The following ATP10A variants were observed in gnomAD, a reference collection of about 807,000 sequenced individuals.
ATP10A encodes the protein phospholipid-transporting ATPase VA.
A neutral mutation model predicts 147.8 loss-of-function variants in ATP10A; 111 were observed. That is an observed-to-expected ratio of 0.75 (90% CI 0.64 to 0.88). The LOEUF is 0.88. Ranked by LOEUF, ATP10A falls within the 40% of genes least tolerant of loss-of-function variation. The pLI is 0.00. For missense variants in ATP10A, 1,927 were observed against 1,959.0 expected (o/e 0.98, Z 0.31); for synonymous variants, 875 against 841.6 (o/e 1.04, Z -0.69).
intron 2 of ATP10A, among the ~76,000 whole-genome samples, chr15:25,780,739 G>T (rs1889878681): frequency 6.6e-6 from 1 of 152,202 alleles, no homozygotes; most frequent in Non-Finnish European, 1.5e-5. Flanking sequence ...GCTCATAAAT[G>T]TTCCTTGTAA....
At chr15:25,706,753 G>C (rs12900055) in intron 12 of ATP10A, among the ~76,000 whole-genome samples, 31,865 of 152,216 alleles carry the variant, frequency 0.21, 3,813 homozygotes, top group Middle Eastern at 0.27. Flanking sequence ...CTCCATTTGA[G>C]AAGTTAGTGC....
chr15:25,850,456 G>A (rs1322532478), intron 1 of ATP10A, among the ~76,000 whole-genome samples: 1 of 152,156 alleles, frequency 6.6e-6, no homozygotes, highest in African/African-American at 2.4e-5. Context: ...GCTGTGTCTG[G>A]TACCGCCTCA....
At chr15:25,680,443 C>T (rs1407276741) in intron 19 of ATP10A, 135 bp from the exon 20 acceptor site, 13 of 960,894 alleles carry the variant, frequency 1.4e-5, no homozygotes, top group South Asian at 8.3e-5. Flanking sequence ...GTCTATGACG[C>T]GGGTAACCGG....
In ATP10A at chr15:25,701,945, C is replaced by T. The variant is rs764868765; in HGVS notation, c.2731G>A (p.Glu911Lys). Residue 911 changes from glutamate (E) to lysine (K), a missense_variant, in exon 13 of 21, where the codon GAG becomes AAG. Coordinates refer to ENST00000555815, the MANE Select transcript of ATP10A (RefSeq NM_024490.4). The part of the protein sequence containing the change: ...YACKLLDHDE[E>K]VITLNATSQE... ...GAGGTGGCATTCAGGGTGATGACCT[C>T]CTCGTCGTGGTCCAGCAGTTTGCAG... 1.2e-6 allele frequency: 2 copies of T among 1,611,602 alleles called. No homozygotes were observed. Among genetic ancestry groups the T allele is most frequent in the African/African-American group, 2.7e-5 (2 of 74,858 alleles).
intron 3 of ATP10A, among the ~76,000 whole-genome samples, chr15:25,729,529 C>T (rs1479641479): frequency 3.9e-5 from 6 of 152,308 alleles, no homozygotes; most frequent in African/African-American, 9.6e-5. Context: ...ACACAGGCAC[C>T]GGAGCAATCT....
intron 2 of ATP10A, among the ~76,000 whole-genome samples, chr15:25,776,992 C>G (rs925623868): frequency 6.6e-6 from 1 of 152,134 alleles, no homozygotes; most frequent in African/African-American, 2.4e-5. Flanking sequence ...CTGCTCCATA[C>G]TGGGCATCAC....
At chr15:25,840,971 C>T (rs1892785924) in intron 1 of ATP10A, among the ~76,000 whole-genome samples, 1 of 152,146 alleles carries the variant, frequency 6.6e-6, no homozygotes, top group Non-Finnish European at 1.5e-5. Context: ...ATGTCTTGCC[C>T]ATTTTTAAAC....
At chr15:25,708,364 C>T (rs1037008014) in intron 10 of ATP10A, 64 bp from the exon 11 acceptor site, 3 of 1,429,220 alleles carry the variant, frequency 2.1e-6, no homozygotes, top group Non-Finnish European at 2.0e-6. Flanking sequence ...TCTTCAGACA[C>T]TCCGAGATTT....
At chr15:25,715,489 T>C (rs1004795571) in intron 9 of ATP10A, among the ~76,000 whole-genome samples, 5 of 152,226 alleles carry the variant, frequency 3.3e-5, no homozygotes, top group Admixed American at 3.3e-4. Flanking sequence ...CACCCTTCAT[T>C]TAACATCTGT....
chr15:25,735,959 A>G, intron 3 of ATP10A, 97 bp downstream of exon 3: 2 of 1,081,896 alleles, frequency 1.8e-6, no homozygotes, highest in Non-Finnish European at 2.8e-6. Context: ...TGTGGCAAAG[A>G]GTATTAAATG....
chr15:25,818,530 C>T (rs939983223), intron 1 of ATP10A, among the ~76,000 whole-genome samples: 1 of 152,030 alleles, frequency 6.6e-6, no homozygotes, highest in Non-Finnish European at 1.5e-5. Context: ...CCATACTGCC[C>T]AAAGCCATCT....
At chr15:25,702,384 A>G (rs908007644) in intron 12 of ATP10A, among the ~76,000 whole-genome samples, 1 of 152,236 alleles carries the variant, frequency 6.6e-6, no homozygotes, top group African/African-American at 2.4e-5. Context: ...AATTATGTGT[A>G]CTTACACCAA....
At position 25,708,236 on chromosome 15, in the gene ATP10A, A is replaced by G. The variant is rs751329760; in HGVS notation, c.2409T>C (p.Tyr803=). ...RSKTQNYLNV[Y]AAEGLRTLCI... The stretch of plus-strand genomic sequence containing the variant: ...ACAAGGTGCGCAGGCCTTCCGCCGC[A>G]TACACGTTGAGGTAATTCTGAGTTT... Residue 803 remains tyrosine, a synonymous_variant, in exon 11 of 21, where the codon TAT becomes TAC. Transcript: ENST00000555815. 2 of 1,614,106 alleles carry G rather than the reference A, an allele frequency of 1.2e-6. No individual in the cohort carries two copies. The highest frequency in any genetic ancestry group is 1.3e-5 in the African/African-American group (1 of 74,938).
chr15:25,809,489 CTG>C (rs1891336883), intron 1 of ATP10A, among the ~76,000 whole-genome samples: 1 of 152,194 alleles, frequency 6.6e-6, no homozygotes, highest in African/African-American at 2.4e-5. Context: ...CAAAAATTTG[CTG>C]TGAGCTTTTA....
intron 3 of ATP10A, among the ~76,000 whole-genome samples, chr15:25,735,623 T>TGCCTTGAATGCACCCAGC (rs1887223978): frequency 6.6e-6 from 1 of 152,156 alleles, no homozygotes. Context: ...TTACATCCAG[T>TGCCTTGAATGCACCCAGC]GCCTTGAATG....
chr15:25,691,242 G>A (rs950699141), intron 15 of ATP10A, among the ~76,000 whole-genome samples: 1 of 152,198 alleles, frequency 6.6e-6, no homozygotes, highest in Non-Finnish European at 1.5e-5. Flanking sequence ...CAGACCGAGA[G>A]TGAACACAGT....
At chr15:25,743,568 G>T (rs909265744) in intron 2 of ATP10A, among the ~76,000 whole-genome samples, 1 of 152,250 alleles carries the variant, frequency 6.6e-6, no homozygotes. Flanking sequence ...GTAGTTAAGA[G>T]GTTGAGTGGA....
At chr15:25,769,225 A>G (rs11632451) in intron 2 of ATP10A, among the ~76,000 whole-genome samples, 115,246 of 151,988 alleles carry the variant, frequency 0.76, 43,795 homozygotes, top group South Asian at 0.79. Flanking sequence ...GGTGGCTTAC[A>G]CCTGTAATCC....
At chr15:25,725,156 T>C (rs1269969584) in intron 5 of ATP10A, among the ~76,000 whole-genome samples, 1 of 152,122 alleles carries the variant, frequency 6.6e-6, no homozygotes, top group Non-Finnish European at 1.5e-5. Context: ...AACCCTATTG[T>C]GAATTGTGCA....
Sources: gnomAD v4.1 joint callset for allele counts (sites outside exome capture counted in the v4.1 genomes callset) on GRCh38, gnomAD v4.1.1 for gene constraint, MANE v1.5 for transcripts, NCBI Gene and HGNC (gene_info 2026-07-23, HGNC 2026-07-21) for gene names.